Variants in RBMS3 observed in about 807,000 individuals in gnomAD.
RBMS3 encodes RNA-binding motif, single-stranded-interacting protein 3.
Under a neutral mutation model 66.8 loss-of-function variants are expected in RBMS3, and 27 were observed. The ratio of observed to expected loss-of-function variants is 0.40; its 90% CI spans 0.30 to 0.56. The LOEUF is 0.56. RBMS3 is among the 20% of genes least tolerant of loss of function. RBMS3 has a pLI of 0.40. For synonymous variants in RBMS3, 188 were observed against 183.0 expected, an observed-to-expected ratio of 1.03 and a Z score of -0.22; for missense variants, 513 against 549.5, an observed-to-expected ratio of 0.93 and a Z score of 0.66.
intron 1 of RBMS3, among the ~76,000 whole-genome samples, chr3:29,345,503 T>C (rs1173673063): frequency 6.6e-6 from 1 of 152,166 alleles, no homozygotes; most frequent in Non-Finnish European, 1.5e-5. Flanking sequence ...ACCTTAATTT[T>C]TTCCCCCATT....
chr3:29,604,800 C>A (rs535707531), intron 4 of RBMS3, among the ~76,000 whole-genome samples: 120 of 151,922 alleles, frequency 7.9e-4, no homozygotes, highest in Non-Finnish European at 1.6e-3. Context: ...TAGATCTTAG[C>A]AGTTAGTGAT....
chr3:29,942,093 G>A (rs1156400864), intron 11 of RBMS3, among the ~76,000 whole-genome samples: 1 of 151,796 alleles, frequency 6.6e-6, no homozygotes, highest in East Asian at 1.9e-4. Flanking sequence ...TTGACACGGT[G>A]TTCTTTATAA....
intron 6 of RBMS3, among the ~76,000 whole-genome samples, chr3:29,802,991 C>G (rs557863212): frequency 9.2e-5 from 14 of 152,268 alleles, no homozygotes; most frequent in African/African-American, 3.1e-4. Flanking sequence ...AGGACGTTGA[C>G]TTTCTGAAAA....
intron 3 of RBMS3, among the ~76,000 whole-genome samples, chr3:29,570,080 G>A (rs1007123522): frequency 1.8e-4 from 28 of 152,006 alleles, no homozygotes; most frequent in African/African-American, 6.8e-4. Flanking sequence ...ATCTTGGATG[G>A]TGGCATCATA....
At chr3:29,732,686 T>C (rs1386339691) in intron 4 of RBMS3, among the ~76,000 whole-genome samples, 1 of 152,180 alleles carries the variant, frequency 6.6e-6, no homozygotes, top group African/African-American at 2.4e-5. Flanking sequence ...TTTGTTAACA[T>C]GGAATGCTCT....
intron 5 of RBMS3, among the ~76,000 whole-genome samples, chr3:29,747,186 T>G (rs1474958752): frequency 6.6e-6 from 1 of 152,196 alleles, no homozygotes; most frequent in Non-Finnish European, 1.5e-5. Context: ...TTTTCTACAC[T>G]CTCAGCTTTC....
At chr3:29,490,827 C>T (rs762666005) in intron 3 of RBMS3, among the ~76,000 whole-genome samples, 2 of 151,994 alleles carry the variant, frequency 1.3e-5, no homozygotes, top group African/African-American at 2.4e-5. Context: ...CATTAGAATG[C>T]GAATTATAGT....
chr3:29,421,134 C>CAGAAA (rs149359681), intron 1 of RBMS3, among the ~76,000 whole-genome samples: 26,533 of 150,848 alleles, frequency 0.18, 2,648 homozygotes, highest in East Asian at 0.34. Flanking sequence ...AAAAAGAAAA[C>CAGAAA]AGAAAAGGCC....
rs889525647 is a variant in RBMS3 at position 30,006,372 on chromosome 3, C to T, written c.*2510C>T. The stretch of plus-strand genomic sequence containing the variant: ...TGGAAGCCCAAATCAGAGAATGACT[C>T]CATATATTTATGGTCACATTGGAGA... On this transcript the variant is annotated 3_prime_UTR_variant, in exon 15 of 15. Coordinates refer to ENST00000383767, the MANE Select transcript of RBMS3 (RefSeq NM_001003793.3). The T allele has an allele frequency of 6.6e-6, 1 of 151,804 alleles. No individual in the cohort carries two copies. Among genetic ancestry groups the T allele is most frequent in the African/African-American group, 2.4e-5 (1 of 41,364 alleles). The allele number at this position is 151,804 out of a possible 1,614,324, so 9.4% of individuals were successfully genotyped here.
intron 2 of RBMS3, among the ~76,000 whole-genome samples, chr3:29,482,199 C>A (rs1046160201): frequency 6.6e-5 from 10 of 152,150 alleles, no homozygotes; most frequent in Non-Finnish European, 1.0e-4. Flanking sequence ...GTATGGAAAT[C>A]CCTTTCTCAT....
intron 5 of RBMS3, among the ~76,000 whole-genome samples, chr3:29,762,392 T>G (rs1436515053): frequency 6.6e-6 from 1 of 152,160 alleles, no homozygotes; most frequent in Non-Finnish European, 1.5e-5. Context: ...AAAACACATC[T>G]TGTCAACCTC....
At chr3:29,340,348 TTC>T (rs556878254) in intron 1 of RBMS3, among the ~76,000 whole-genome samples, 444 of 152,304 alleles carry the variant, frequency 2.9e-3, no homozygotes, top group Middle Eastern at 0.01. Context: ...CATTTACTTT[TTC>T]TGTTTTTTAT....
chr3:29,697,932 C>T (rs895491644), intron 4 of RBMS3, among the ~76,000 whole-genome samples: 1 of 152,146 alleles, frequency 6.6e-6, no homozygotes, highest in African/African-American at 2.4e-5. Flanking sequence ...TAAGTACTCT[C>T]CTGCCTGATA....
At chr3:29,344,991 A>G (rs1262017050) in intron 1 of RBMS3, among the ~76,000 whole-genome samples, 1 of 152,160 alleles carries the variant, frequency 6.6e-6, no homozygotes, top group Non-Finnish European at 1.5e-5. Flanking sequence ...GAGGATTCTT[A>G]ATTATCAGTT....
At chr3:29,997,093 C>A (rs1699296775) in intron 14 of RBMS3, among the ~76,000 whole-genome samples, 1 of 151,378 alleles carries the variant, frequency 6.6e-6, no homozygotes, top group African/African-American at 2.4e-5. Context: ...GATATCACCA[C>A]CGATCCCACA....
At chr3:29,490,101 A>T (rs1222074965) in intron 3 of RBMS3, among the ~76,000 whole-genome samples, 1 of 150,714 alleles carries the variant, frequency 6.6e-6, no homozygotes, top group Non-Finnish European at 1.5e-5. Flanking sequence ...AGGGGTTAAA[A>T]TTGTGTAGGT....
intron 10 of RBMS3, among the ~76,000 whole-genome samples, chr3:29,916,539 G>A (rs1314126975): frequency 6.6e-6 from 1 of 151,876 alleles, no homozygotes; most frequent in Non-Finnish European, 1.5e-5. Flanking sequence ...AAAGCAGGCT[G>A]TTAATTATCA....
intron 1 of RBMS3, among the ~76,000 whole-genome samples, chr3:29,308,414 T>C (rs182582452): frequency 6.6e-6 from 1 of 151,844 alleles, no homozygotes; most frequent in Non-Finnish European, 1.5e-5. Context: ...ATCACAGTGT[T>C]TGGTACATAG....
At chr3:29,363,038 G>A (rs11919562) in intron 1 of RBMS3, among the ~76,000 whole-genome samples, 34,528 of 152,144 alleles carry the variant, frequency 0.23, 4,757 homozygotes, top group African/African-American at 0.39. Flanking sequence ...GGCCTCATCT[G>A]TGTGCAAGTC....
Sources: allele counts gnomAD v4.1 joint callset (sites outside exome capture counted in the v4.1 genomes callset), GRCh38; gene constraint gnomAD v4.1.1; transcripts MANE v1.5; gene names NCBI Gene and HGNC (gene_info 2026-07-23, HGNC 2026-07-21).